The following PCM1 variants were observed in gnomAD, a reference collection of about 807,000 sequenced individuals.
PCM1 encodes pericentriolar material 1, also known as pericentriolar material 1 protein.
In PCM1, 157 loss-of-function variants were observed where a neutral mutation model predicts 241.9. That is an observed-to-expected ratio of 0.65 (90% CI 0.57 to 0.74). PCM1 has a LOEUF of 0.74. Ranked by LOEUF, PCM1 falls within the 30% of genes least tolerant of loss-of-function variation. The pLI is 0.00. For missense variants in PCM1, 3,478 were observed against 2,360.1 expected, an observed-to-expected ratio of 1.47 and a Z score of -9.81; for synonymous variants, 1,085 against 784.9, an observed-to-expected ratio of 1.38 and a Z score of -6.39.
At chr8:18,027,492 A>C (rs191748155) in intron 38 of PCM1, 145 bp from the exon 39 acceptor site, 2 of 523,552 alleles carry the variant, frequency 3.8e-6, no homozygotes, top group South Asian at 4.0e-5. Context: ...ACTGTGTGCT[A>C]TTAGGGAATT....
Position 17,960,104 on chromosome 8 carries a change from A to T in PCM1, c.2131A>T (p.Asn711Tyr), listed in dbSNP as rs778829261. The T allele has an allele frequency of 3.7e-6, 6 of 1,605,932 alleles. No individual in the cohort carries two copies. Among genetic ancestry groups the T allele is most frequent in the African/African-American group, 1.3e-5 (1 of 74,862 alleles). The change falls in exon 14 of 39, where the codon AAT (asparagine) becomes TAT (tyrosine). Residue 711 changes from asparagine (N) to tyrosine (Y), a missense_variant. Physicochemically the swap from Asn to Tyr is moderately radical, Grantham distance 143. Transcript: ENST00000325083. ...AGAAGAAGACACCAAGCAAAATTCAAATAACACTAGAGGAAATGCCAATAA... is the reference window on the plus strand; with the variant it reads ...AGAAGAAGACACCAAGCAAAATTCATATAACACTAGAGGAAATGCCAATAA... Reference protein sequence around the residue: ...PAEEDTKQNSNNTRGNANKTQ... With the variant: ...PAEEDTKQNSYNTRGNANKTQ...
intron 23 of PCM1, among the ~76,000 whole-genome samples, chr8:17,976,524 C>G (rs1030477035): frequency 6.6e-6 from 1 of 152,220 alleles, no homozygotes; most frequent in African/African-American, 2.4e-5. Flanking sequence ...ATAGCAACTT[C>G]TCACAAGCCT....
At position 17,964,692 on chromosome 8, in the gene PCM1, T is replaced by C; in HGVS notation, c.2779T>C (p.Ser927Pro). 1 of 1,613,940 alleles carries C rather than the reference T, an allele frequency of 6.2e-7. No homozygotes were observed. Among genetic ancestry groups the C allele is most frequent in the Non-Finnish European group, 8.5e-7 (1 of 1,179,826 alleles). The stretch of plus-strand genomic sequence containing the variant: ...GGAGGAAGAAGAGCAAGATGCCAGT[T>C]CCAATGATAACTTTTCTGTGTGTCC... ...EEEEEEQDASSNDNFSVCPSN... is the reference protein window; with the variant it reads ...EEEEEEQDASPNDNFSVCPSN... Residue 927 changes from serine to proline, a missense_variant, in exon 18 of 39, where the codon TCC becomes CCC. Ser to Pro is a moderately conservative substitution (Grantham distance 74). Transcript: ENST00000325083.
chr8:18,024,466 T>C (rs1248441865), intron 36 of PCM1, among the ~76,000 whole-genome samples: 1 of 152,198 alleles, frequency 6.6e-6, no homozygotes, highest in African/African-American at 2.4e-5. Flanking sequence ...AGAGTAACTC[T>C]TCTAACTCTT....
At chr8:17,923,347 C>G (rs1460474160) in intron 1 of PCM1, among the ~76,000 whole-genome samples, 159 bp downstream of exon 1, 2 of 152,206 alleles carry the variant, frequency 1.3e-5, no homozygotes, top group African/African-American at 4.8e-5. Context: ...TTCCCGTGCC[C>G]TAGGCGGTCA....
At chr8:17,997,646 C>T (rs756712781) in intron 29 of PCM1, among the ~76,000 whole-genome samples, 2 of 151,994 alleles carry the variant, frequency 1.3e-5, no homozygotes, top group Non-Finnish European at 2.9e-5. Context: ...TTTAGTATGT[C>T]AGTTGCGTTT....
intron 6 of PCM1, among the ~76,000 whole-genome samples, chr8:17,944,120 T>G (rs558113902): frequency 6.6e-6 from 1 of 152,346 alleles, no homozygotes; most frequent in Middle Eastern, 3.4e-3. Flanking sequence ...AAGCTTTCTT[T>G]GTACCTTGTA....
At chr8:17,940,802 CTT>C (rs1049365333) in intron 6 of PCM1, among the ~76,000 whole-genome samples, 2 of 152,128 alleles carry the variant, frequency 1.3e-5, no homozygotes, top group Admixed American at 6.6e-5. Context: ...ATTTCTAAAA[CTT>C]AGTGTGGTTC....
chr8:17,957,550 T>C lies in PCM1; in HGVS notation c.1815T>C (p.Tyr605=), dbSNP rs759058742. The C allele has an allele frequency of 7.6e-6, 12 of 1,582,518 alleles. No homozygotes were observed. The highest frequency in any genetic ancestry group is 1.1e-5 in the South Asian group (1 of 88,548). ...LNMPPSLDCR[Y]NREGEQEIHV... The stretch of plus-strand genomic sequence containing the variant: ...ACATGTTTTCAGCAGATTGTCGATA[T>C]AATAGAGAAGGGGAACAGGAGATTC... The change falls in exon 13 of 39, where the codon TAT becomes TAC. Residue 605 remains tyrosine, a synonymous_variant. Transcript: ENST00000325083.
Position 18,009,582 on chromosome 8 carries a change from A to T in PCM1, c.4998A>T (p.Lys1666Asn). ...CAAAATTTGCTGGCAGAAAACTGAA[A>T]GACTGTGGAGAAGATCTTCTTGTAG... is the stretch of plus-strand genomic sequence containing the variant. Reference protein sequence around the residue: ...SLAKFAGRKLKDCGEDLLVEI... With the variant: ...SLAKFAGRKLNDCGEDLLVEI... Residue 1666 changes from lysine to asparagine, a missense_variant, in exon 31 of 39, where the codon AAA becomes AAT. Transcript: ENST00000325083. The T allele has an allele frequency of 6.2e-7, 1 of 1,602,530 alleles. No homozygotes were observed. Among genetic ancestry groups the T allele is most frequent in the Non-Finnish European group, 8.5e-7 (1 of 1,173,934 alleles).
chr8:17,960,157 A>G lies in PCM1; in HGVS notation c.2184A>G (p.Glu728=). The part of the protein sequence containing the change: ...NKTQKDTGVN[E]KAREKFYEAK... Reference sequence around the variant, plus strand: ...CACAGAAAGATACTGGAGTAAATGAAAAGGCAAGGTATGTTAAGCTTTTGG... The same window carrying G: ...CACAGAAAGATACTGGAGTAAATGAGAAGGCAAGGTATGTTAAGCTTTTGG... Residue 728 remains glutamate (E), a synonymous_variant, in exon 14 of 39, where the codon GAA becomes GAG. Transcript: ENST00000325083. The G allele has an allele frequency of 6.4e-7, 1 of 1,572,030 alleles. No homozygotes were observed. Among genetic ancestry groups the G allele is most frequent in the South Asian group, 1.2e-5 (1 of 85,528 alleles).
chr8:18,013,773 C>G (rs1411531402), intron 34 of PCM1, 191 bp from the exon 35 acceptor site: 1 of 525,440 alleles, frequency 1.9e-6, no homozygotes, highest in Non-Finnish European at 3.3e-6. Context: ...TTTAAGGCAA[C>G]AAGGAAACCC....
At chr8:18,017,398 T>C (rs772318583) in intron 36 of PCM1, among the ~76,000 whole-genome samples, 1 of 152,242 alleles carries the variant, frequency 6.6e-6, no homozygotes, top group African/African-American at 2.4e-5. Context: ...GTCACTGATA[T>C]GGCTATATTA....
At chr8:17,997,897 A>G (rs147162318) in intron 29 of PCM1, among the ~76,000 whole-genome samples, 2,521 of 151,600 alleles carry the variant, frequency 0.017, 90 homozygotes, top group African/African-American at 0.057. Flanking sequence ...GTAGCTGGAC[A>G]TGGTGGTGCG....
rs1563960564 is a variant in PCM1 at position 17,962,125 on chromosome 8, C to G, written c.2414C>G (p.Thr805Arg). The G allele has an allele frequency of 1.2e-6, 2 of 1,610,070 alleles. No homozygotes were observed. ...ACTGTTAATCAACACGAGACCAGTA[C>G]AAGCAAATCTGTTTTTGAGCCTGAA... is the stretch of plus-strand genomic sequence containing the variant. ...TPTVNQHETS[T>R]SKSVFEPEDS... The change falls in exon 16 of 39, where the codon ACA becomes AGA. Residue 805 changes from threonine to arginine, a missense_variant. By Grantham distance (71) the Thr-to-Arg change is moderately conservative. Transcript: ENST00000325083.
At chr8:17,958,392 T>A (rs2069743470) in intron 13 of PCM1, among the ~76,000 whole-genome samples, 1 of 152,162 alleles carries the variant, frequency 6.6e-6, no homozygotes, top group Non-Finnish European at 1.5e-5. Flanking sequence ...TTATACATAT[T>A]TTGTATTATA....
rs776988886 is a variant in PCM1 at position 17,985,411 on chromosome 8, A to G, written c.4109-36A>G. ...ATAAAAGTTGTCATGAAGGTACTTC[A>G]TCAATATTAACTTTCTGGTCTTTTA... is the stretch of plus-strand genomic sequence containing the variant. On this transcript the variant is annotated intron_variant, in intron 24 of 38. Coordinates refer to ENST00000325083, the MANE Select transcript of PCM1 (RefSeq NM_006197.4). The G allele has an allele frequency of 2.7e-6, 4 of 1,460,650 alleles. No individual in the cohort carries two copies. In the East Asian group the frequency reaches 1.0e-4, roughly 37 times the overall value. The allele number at this position is 1,460,650 out of a possible 1,614,324, so 90.5% of individuals were successfully genotyped here. A position where few individuals can be genotyped will look rare whatever the true frequency, so the allele number is the denominator to read the frequency against.
rs2069025894 is a variant in PCM1 at position 17,957,322 on chromosome 8, GTT to G, written c.1707_1708del (p.Ser570Ter). On this transcript the variant is annotated frameshift_variant, in exon 12 of 39. Transcript: ENST00000325083. LOFTEE classifies it high-confidence loss of function. Reference protein sequence around the residue: ...EVNSHSNAQCVSNNRDGRTVN... With the variant: ...EVNSHSNAQCXSNNRDGRTVN... The stretch of plus-strand genomic sequence containing the variant: ...AAATAGTCATAGTAATGCACAGTGT[GTT>G]TCTAATAATAGAGATGGGCGAACAG... The G allele has an allele frequency of 6.2e-7, 1 of 1,611,578 alleles. No homozygotes were observed. The highest frequency in any genetic ancestry group is 1.7e-5 in the Admixed American group (1 of 59,982).
chr8:17,943,792 ACCACCCCAC>A (rs1394792478), intron 6 of PCM1, among the ~76,000 whole-genome samples: 1 of 152,036 alleles, frequency 6.6e-6, no homozygotes, highest in Non-Finnish European at 1.5e-5. Flanking sequence ...TGTCATTCTT[ACCACCCCAC>A]CCCTGTTTCC....
Sources: gnomAD v4.1 joint callset for allele counts (sites outside exome capture counted in the v4.1 genomes callset) on GRCh38, gnomAD v4.1.1 for gene constraint, MANE v1.5 for transcripts, NCBI Gene and HGNC (gene_info 2026-07-23, HGNC 2026-07-21) for gene names.